TOX: variants seen among roughly 807,000 people sequenced by gnomAD.
TOX encodes the protein thymocyte selection associated high mobility group box, also known as thymocyte selection-associated high mobility group box protein TOX.
Under a neutral mutation model 53.7 loss-of-function variants are expected in TOX, and 11 were observed. That is an observed-to-expected ratio of 0.20 (90% confidence interval 0.13 to 0.34). The LOEUF is 0.34. Ranked by LOEUF, TOX falls within the 10% of genes least tolerant of loss-of-function variation. The pLI is 1.00. For missense variants in TOX, 570 were observed against 664.6 expected, an observed-to-expected ratio of 0.86 and a Z score of 1.56; for synonymous variants, 225 against 245.3, an observed-to-expected ratio of 0.92 and a Z score of 0.77.
chr8:58,910,503 T>G (rs1260219462), intron 3 of TOX, among the ~76,000 whole-genome samples: 1 of 152,202 alleles, frequency 6.6e-6, no homozygotes, highest in Non-Finnish European at 1.5e-5. Flanking sequence ...CAACCGGCCA[T>G]GTATGCAATG....
chr8:59,079,629 C>T (rs75714189), intron 1 of TOX, among the ~76,000 whole-genome samples: 2,537 of 152,272 alleles, frequency 0.017, 59 homozygotes, highest in African/African-American at 0.056. Context: ...CCTAGATTTC[C>T]GAGGATGAAT....
intron 1 of TOX, among the ~76,000 whole-genome samples, chr8:58,979,423 G>A (rs532227882): frequency 9.1e-4 from 138 of 152,218 alleles, no homozygotes; most frequent in African/African-American, 3.0e-3. Context: ...ATGGCTGTCC[G>A]GCCTTACCAG....
intron 1 of TOX, among the ~76,000 whole-genome samples, chr8:58,979,488 C>T (rs60871984): frequency 0.094 from 14,229 of 152,166 alleles, 825 homozygotes; most frequent in Admixed American, 0.17. Flanking sequence ...AATTTGTTAA[C>T]CAGATAACTG....
At chr8:59,084,089 A>G (rs996811391) in intron 1 of TOX, among the ~76,000 whole-genome samples, 1 of 152,170 alleles carries the variant, frequency 6.6e-6, no homozygotes, top group South Asian at 2.1e-4. Flanking sequence ...CCATAGGTTT[A>G]AGTACCTTTC....
intron 3 of TOX, among the ~76,000 whole-genome samples, chr8:58,903,342 A>G (rs970136249): frequency 1.3e-5 from 2 of 152,324 alleles, no homozygotes; most frequent in East Asian, 3.9e-4. Context: ...ATCATTAAAA[A>G]TCCCAGGGTA....
intron 3 of TOX, among the ~76,000 whole-genome samples, chr8:58,858,987 T>G (rs1028148230): frequency 6.6e-6 from 1 of 152,220 alleles, no homozygotes; most frequent in Admixed American, 6.5e-5. Context: ...AATATGTAAA[T>G]GTATACAACA....
intron 6 of TOX, among the ~76,000 whole-genome samples, chr8:58,824,867 G>C (rs1349878376): frequency 2.0e-5 from 3 of 152,164 alleles, no homozygotes; most frequent in Non-Finnish European, 4.4e-5. Context: ...ATATACAAAT[G>C]GGGGGTGGGG....
rs142546195 is a variant in TOX at position 59,006,288 on chromosome 8, A to G, written c.103-46280T>C. On this transcript the variant is annotated intron_variant, in intron 1 of 8. Coordinates refer to ENST00000361421, the MANE Select transcript of TOX (RefSeq NM_014729.3). Reference sequence around the variant, plus strand: ...TGTAAGGTTCTTAACAAAGAACAAAAGAAAAACAGTTTCAGAAAAACTGGG... The same window carrying G: ...TGTAAGGTTCTTAACAAAGAACAAAGGAAAAACAGTTTCAGAAAAACTGGG... Among the ~76,000 whole-genome samples the G allele has an allele frequency of 9.8e-5, 15 of 152,394 alleles. No individual in the cohort carries two copies. In the East Asian group the frequency reaches 2.9e-3, roughly 29 times the overall value.
intron 1 of TOX, among the ~76,000 whole-genome samples, chr8:59,042,335 G>A (rs1349121785): frequency 6.6e-6 from 1 of 152,116 alleles, no homozygotes. Context: ...AAGTCAGAAC[G>A]CCATTTCAGA....
At chr8:58,901,624 T>C (rs1392914693) in intron 3 of TOX, among the ~76,000 whole-genome samples, 2 of 152,308 alleles carry the variant, frequency 1.3e-5, no homozygotes, top group South Asian at 2.1e-4. Context: ...ATTTCAAACA[T>C]GATTGAAATT....
intron 2 of TOX, among the ~76,000 whole-genome samples, chr8:58,950,174 G>A (rs924326132): frequency 1.5e-5 from 2 of 137,722 alleles, no homozygotes; most frequent in East Asian, 4.4e-4. Context: ...TCATATACAC[G>A]TGTAATATAC....
At chr8:58,995,751 T>C (rs1245496989) in intron 1 of TOX, among the ~76,000 whole-genome samples, 2 of 152,256 alleles carry the variant, frequency 1.3e-5, no homozygotes, top group African/African-American at 4.8e-5. Flanking sequence ...GTCTTTTCCA[T>C]CATGAAAAAT....
Position 58,807,355 on chromosome 8 carries a change from C to T in TOX, c.*392G>A, listed in dbSNP as rs983535060. On this transcript the variant is annotated 3_prime_UTR_variant, in exon 9 of 9. Coordinates refer to ENST00000361421, the MANE Select transcript of TOX (RefSeq NM_014729.3). ...GCTATTTACAAACTTGCTATGACTG[C>T]TACATCAAGCCATTTAAAAAGTCTT... 5.9e-5 allele frequency: 11 copies of T among 187,746 alleles called. No individual in the cohort carries two copies. The highest frequency in any genetic ancestry group is 4.8e-4 in the Admixed American group (9 of 18,606). 11.6% of individuals were successfully genotyped at this position (187,746 alleles called of 1,614,324 possible).
intron 3 of TOX, among the ~76,000 whole-genome samples, chr8:58,898,622 A>G (rs1010348829): frequency 9.9e-5 from 15 of 152,204 alleles, no homozygotes; most frequent in African/African-American, 3.6e-4. Context: ...GGCCCAAACC[A>G]GTGAATGACA....
intron 3 of TOX, among the ~76,000 whole-genome samples, chr8:58,894,236 C>A (rs78024645): frequency 0.042 from 6,458 of 152,300 alleles, 448 homozygotes; most frequent in African/African-American, 0.15. Context: ...TTGCTGATTG[C>A]ACACCCTGCT....
intron 7 of TOX, among the ~76,000 whole-genome samples, chr8:58,814,143 A>G (rs1810132025): frequency 1.3e-5 from 2 of 152,140 alleles, no homozygotes; most frequent in Non-Finnish European, 2.9e-5. Context: ...TTCTGTCAAT[A>G]ATAATAGTAG....
At chr8:59,096,929 G>A (rs767123164) in intron 1 of TOX, among the ~76,000 whole-genome samples, 4 of 152,138 alleles carry the variant, frequency 2.6e-5, no homozygotes, top group African/African-American at 4.8e-5. Context: ...TGGGGCCTAG[G>A]GTGTCAGTTT....
intron 8 of TOX, 28 bp downstream of exon 8, chr8:58,808,090 C>T: frequency 3.8e-6 from 6 of 1,598,172 alleles, no homozygotes; most frequent in Non-Finnish European, 4.3e-6. Context: ...CGCTGTCCAC[C>T]ACCAGGTGGC....
At chr8:58,978,342 A>C (rs1186109951) in intron 1 of TOX, among the ~76,000 whole-genome samples, 2 of 152,182 alleles carry the variant, frequency 1.3e-5, no homozygotes, top group African/African-American at 2.4e-5. Flanking sequence ...GACAGGAAAA[A>C]ATCTGCATAA....
Sources: allele counts gnomAD v4.1 joint callset (sites outside exome capture counted in the v4.1 genomes callset), GRCh38; gene constraint gnomAD v4.1.1; transcripts MANE v1.5; gene names NCBI Gene and HGNC (gene_info 2026-07-23, HGNC 2026-07-21).